The following TDRD9 variants were observed in gnomAD, a reference collection of about 807,000 sequenced individuals.
TDRD9 encodes ATP-dependent RNA helicase TDRD9.
TDRD9 carries 124 observed loss-of-function variants against 172.6 expected under a neutral mutation model. That is an observed-to-expected ratio of 0.72 (90% CI 0.62 to 0.83). The LOEUF (loss-of-function observed/expected upper bound fraction) is 0.83. Ranked by LOEUF, TDRD9 falls within the 40% of genes least tolerant of loss-of-function variation. TDRD9 has a pLI of 0.00. For missense variants in TDRD9, 1,479 were observed against 1,714.1 expected (o/e 0.86, Z 2.42); for synonymous variants, 619 against 617.1 (o/e 1.00, Z -0.05).
intron 1 of TDRD9, among the ~76,000 whole-genome samples, chr14:103,947,663 G>A (rs2031642777): frequency 6.6e-6 from 1 of 152,024 alleles, no homozygotes; most frequent in African/African-American, 2.4e-5. Flanking sequence ...TGAGAATAGT[G>A]GAAATCCACA....
rs75238363 is a variant in TDRD9, at chr14:104,002,374, T to G, written c.1484-1864T>G. 8.9e-3 allele frequency among the ~76,000 whole-genome samples: 1,358 copies of G among 152,042 alleles called. 17 individuals carry two copies. The highest frequency in any genetic ancestry group is 0.031 in the African/African-American group (1,291 of 41,478). Reference sequence around the variant, plus strand: ...TAGACAAATTAAATTTAACAGAGTTTTAAAGAACAATTTGCAAATTGGTCT... The same window carrying G: ...TAGACAAATTAAATTTAACAGAGTTGTAAAGAACAATTTGCAAATTGGTCT... On this transcript the variant is annotated intron_variant, in intron 13 of 35. Transcript: ENST00000409874.
At chr14:103,995,144 T>A (rs2034012808) in intron 11 of TDRD9, among the ~76,000 whole-genome samples, 1 of 152,212 alleles carries the variant, frequency 6.6e-6, no homozygotes, top group South Asian at 2.1e-4. Context: ...CTTTTAATTC[T>A]TCTTTAGCAT....
chr14:104,007,478 T>C (rs2034479616), intron 19 of TDRD9, among the ~76,000 whole-genome samples: 1 of 152,218 alleles, frequency 6.6e-6, no homozygotes, highest in South Asian at 2.1e-4. Context: ...GTACTGATCT[T>C]GCCATGGTGT....
intron 19 of TDRD9, among the ~76,000 whole-genome samples, chr14:104,007,782 T>C (rs2034490446): frequency 6.6e-6 from 1 of 151,812 alleles, no homozygotes; most frequent in South Asian, 2.1e-4. Context: ...GTGTTTAAAG[T>C]CTTTTTTTTT....
intron 2 of TDRD9, among the ~76,000 whole-genome samples, chr14:103,960,657 AG>A (rs149171363): frequency 0.023 from 3,527 of 152,296 alleles, 78 homozygotes; most frequent in East Asian, 0.071. Context: ...GTGTACGCGG[AG>A]GCAGGACTTG....
intron 6 of TDRD9, among the ~76,000 whole-genome samples, chr14:103,974,388 A>G (rs1369659921): frequency 6.6e-6 from 1 of 152,076 alleles, no homozygotes; most frequent in Non-Finnish European, 1.5e-5. Flanking sequence ...GGCTGTATGC[A>G]CTGCTCCTGT....
intron 11 of TDRD9, 86 bp downstream of exon 11, chr14:103,994,689 C>G: frequency 9.8e-6 from 11 of 1,119,826 alleles, no homozygotes; most frequent in Non-Finnish European, 1.4e-5. Flanking sequence ...TTCTGGGTGT[C>G]GTGGCTCATG....
rs1410825001 is a variant in TDRD9, at chr14:103,999,684, TA to T, written c.1483+957del. Among the ~76,000 whole-genome samples, 394 of 114,352 alleles carry T rather than the reference TA, an allele frequency of 3.4e-3. 102 individuals carry two copies. Among genetic ancestry groups the T allele is most frequent in the East Asian group, 4.6e-3 (18 of 3,920 alleles). The allele number at this position is 114,352 out of a possible 152,430, so 75.0% of individuals were successfully genotyped here. A position where few individuals can be genotyped will look rare whatever the true frequency, so the allele number is the denominator to read the frequency against. On this transcript the variant is annotated intron_variant, in intron 13 of 35. Coordinates refer to ENST00000409874, the MANE Select transcript of TDRD9 (RefSeq NM_153046.3). ...GGTAGATAAAAGACCATTTCAAGAA[TA>T]CTAAAATACTAAATACACCCCCCAA...
At chr14:104,021,721 CT>C (rs148520731) in intron 23 of TDRD9, among the ~76,000 whole-genome samples, 5 of 151,938 alleles carry the variant, frequency 3.3e-5, no homozygotes, top group Admixed American at 6.6e-5. Context: ...AAATTTAATG[CT>C]TTTTTTGAAG....
intron 21 of TDRD9, 65 bp from the exon 22 acceptor site, chr14:104,015,910 AGATTAG>A: frequency 1.8e-6 from 2 of 1,093,452 alleles, no homozygotes; most frequent in African/African-American, 3.1e-5. Context: ...TGCTGGGTTG[AGATTAG>A]TATATTGGTG....
At chr14:104,004,394 T>C in intron 14 of TDRD9, 59 bp downstream of exon 14, 1 of 959,018 alleles carries the variant, frequency 1.0e-6, no homozygotes, top group South Asian at 1.5e-5. Context: ...TATTTATTTA[T>C]TTATGAGACG....
chr14:103,964,764 C>A (rs1424200716), intron 3 of TDRD9, among the ~76,000 whole-genome samples: 1 of 152,132 alleles, frequency 6.6e-6, no homozygotes, highest in Non-Finnish European at 1.5e-5. Flanking sequence ...ACCTCGTGAT[C>A]CGCCCGCCTT....
At chr14:103,988,298 C>G (rs1045652307) in intron 8 of TDRD9, among the ~76,000 whole-genome samples, 3 of 151,980 alleles carry the variant, frequency 2.0e-5, no homozygotes, top group Non-Finnish European at 4.4e-5. Flanking sequence ...CTCAGCCTCC[C>G]GAATAGCTGG....
At chr14:104,001,668 A>G (rs9796335) in intron 13 of TDRD9, among the ~76,000 whole-genome samples, 148,245 of 152,268 alleles carry the variant, frequency 0.97, 72,293 homozygotes, top group East Asian at 1. Context: ...GAGTGCAACG[A>G]CGTGATCTCG....
intron 1 of TDRD9, among the ~76,000 whole-genome samples, chr14:103,934,067 G>A (rs1179676496): frequency 1.3e-5 from 2 of 151,898 alleles, no homozygotes; most frequent in Non-Finnish European, 2.9e-5. Flanking sequence ...CCAGGCTGGA[G>A]TGCAGTGCTG....
chr14:103,942,508 G>A (rs138049411), intron 1 of TDRD9, among the ~76,000 whole-genome samples: 12 of 152,334 alleles, frequency 7.9e-5, no homozygotes, highest in East Asian at 7.7e-4. Context: ...CCATAGATGC[G>A]CTCCGAGCTA....
At chr14:104,035,915 C>T (rs1364571746) in intron 32 of TDRD9, among the ~76,000 whole-genome samples, 1 of 152,004 alleles carries the variant, frequency 6.6e-6, no homozygotes, top group Non-Finnish European at 1.5e-5. Context: ...AAGGGCCCCA[C>T]CGTTTACTCA....
intron 8 of TDRD9, among the ~76,000 whole-genome samples, chr14:103,990,808 A>G (rs2033836529): frequency 6.6e-6 from 1 of 152,220 alleles, no homozygotes; most frequent in Non-Finnish European, 1.5e-5. Flanking sequence ...AATCCTTTCT[A>G]ATAGTTTGGA....
chr14:104,012,716 T>C (rs1192118855), intron 20 of TDRD9, among the ~76,000 whole-genome samples: 1 of 152,138 alleles, frequency 6.6e-6, no homozygotes, highest in Non-Finnish European at 1.5e-5. Context: ...CTTTTAGTGT[T>C]GGTTTCCTCT....
Sources: gnomAD v4.1 joint callset for allele counts (sites outside exome capture counted in the v4.1 genomes callset) on GRCh38, gnomAD v4.1.1 for gene constraint, MANE v1.5 for transcripts, NCBI Gene and HGNC (gene_info 2026-07-23, HGNC 2026-07-21) for gene names.